The following ATE1 variants were observed in gnomAD, a reference collection of about 807,000 sequenced individuals.
The protein encoded by ATE1 is arginyl-tRNA--protein transferase 1.
In ATE1, 36 loss-of-function variants were observed where a neutral mutation model predicts 70.5. The observed-to-expected ratio is 0.51, with a 90% CI of 0.39 to 0.67. The LOEUF is 0.67. Among genes scored for constraint, ATE1 ranks in the 30% least tolerant of loss-of-function variants. The probability of loss-of-function intolerance (pLI) is 0.00; values close to 1 mark genes in which losing one functional copy is unlikely to be tolerated. For missense variants in ATE1, 593 were observed against 629.5 expected, an observed-to-expected ratio of 0.94 and a Z score of 0.62; for synonymous variants, 232 against 219.3, an observed-to-expected ratio of 1.06 and a Z score of -0.51.
rs773450449 is a variant in ATE1 at position 121,841,128 on chromosome 10, C to T, written c.1111G>A (p.Asp371Asn). Reference protein sequence around the residue: ...NCVSSVYLYYDPDYSFLSLGV... With the variant: ...NCVSSVYLYYNPDYSFLSLGV... ...AAAGACAAAAACGAATAATCAGGAT[C>T]GTAGTACAAATACACAGATGATACA... The change falls in exon 9 of 12, where the codon GAT (aspartate) becomes AAT (asparagine). Residue 371 changes from aspartate (D) to asparagine (N), a missense_variant. Asp to Asn is a conservative substitution (Grantham distance 23). Transcript: ENST00000224652. The T allele has an allele frequency of 6.3e-6, 10 of 1,584,018 alleles. No homozygotes were observed. Among genetic ancestry groups the T allele is most frequent in the East Asian group, 4.5e-5 (2 of 44,070 alleles).
intron 1 of ATE1, among the ~76,000 whole-genome samples, chr10:121,925,777 G>C (rs1200186308): frequency 6.6e-6 from 1 of 152,110 alleles, no homozygotes; most frequent in Non-Finnish European, 1.5e-5. Context: ...AGCTACTTGG[G>C]AGGCTGAGGT....
intron 11 of ATE1, among the ~76,000 whole-genome samples, chr10:121,770,008 C>T (rs1945436250): frequency 6.6e-6 from 1 of 152,122 alleles, no homozygotes; most frequent in African/African-American, 2.4e-5. Context: ...TACTGCTGGG[C>T]ATTTATCAGA....
rs1951538308 is a variant in ATE1 at position 121,913,821 on chromosome 10, A to G, written c.306T>C (p.Ala102=). 1.9e-6 allele frequency: 3 copies of G among 1,613,320 alleles called. No individual in the cohort carries two copies. Among genetic ancestry groups the G allele is most frequent in the East Asian group, 4.5e-5 (2 of 44,846 alleles). ...KVLKKMLKFL[A]KGEVPKGSCE... is the part of the protein sequence containing the mutation. ...AACTTCCTTTGGGAACCTCCCCTTTAGCTAGAAATTTCAACATTTTTTTCA... is the reference window on the plus strand; with the variant it reads ...AACTTCCTTTGGGAACCTCCCCTTTGGCTAGAAATTTCAACATTTTTTTCA... Residue 102 remains alanine, a synonymous_variant, in exon 4 of 12, where the codon GCT becomes GCC. Transcript: ENST00000224652.
chr10:121,898,358 G>T (rs73364471), intron 7 of ATE1, among the ~76,000 whole-genome samples: 4,997 of 152,270 alleles, frequency 0.033, 149 homozygotes, highest in African/African-American at 0.081. Flanking sequence ...AGATGATTCT[G>T]CTTAACTGCA....
rs183423046 is a variant in ATE1 at position 121,827,013 on chromosome 10, C to T, written c.1257+9705G>A. On this transcript the variant is annotated intron_variant, in intron 10 of 11. Transcript: ENST00000224652. ...TCACATTTTCTTTACTGTTGATGGG[C>T]AATAATTTTTTTTTTTTTTGAGATG... Among the ~76,000 whole-genome samples the T allele has an allele frequency of 3.5e-3, 461 of 130,700 alleles. 5 individuals carry two copies. The highest frequency in any genetic ancestry group is 3.1e-3 in the Non-Finnish European group (184 of 58,932). The allele number at this position is 130,700 out of a possible 152,430, so 85.7% of individuals were successfully genotyped here.
intron 11 of ATE1, among the ~76,000 whole-genome samples, chr10:121,766,468 T>C (rs1177803938): frequency 1.3e-5 from 2 of 152,134 alleles, no homozygotes; most frequent in African/African-American, 4.8e-5. Flanking sequence ...GAGAAGACGG[T>C]AATCCAACTG....
intron 11 of ATE1, among the ~76,000 whole-genome samples, chr10:121,755,268 C>T (rs1209692306): frequency 3.3e-5 from 5 of 152,068 alleles, no homozygotes; most frequent in East Asian, 3.9e-4. Flanking sequence ...GTTTTGATGG[C>T]CATGTCTAGT....
At chr10:121,856,146 A>G (rs570421372) in intron 8 of ATE1, among the ~76,000 whole-genome samples, 29 of 152,224 alleles carry the variant, frequency 1.9e-4, no homozygotes, top group African/African-American at 7.0e-4. Context: ...AGGCTAGTTT[A>G]AAATGTTTGG....
Position 121,874,890 on chromosome 10 carries a change from T to C in ATE1, c.943-4852A>G, listed in dbSNP as rs370882798. 7.4e-3 allele frequency among the ~76,000 whole-genome samples: 992 copies of C among 134,892 alleles called. 18 individuals carry two copies. Among genetic ancestry groups the C allele is most frequent in the African/African-American group, 0.026 (931 of 35,432 alleles). 88.5% of individuals were successfully genotyped at this position (134,892 alleles called of 152,430 possible). A position where few individuals can be genotyped will look rare whatever the true frequency, so the allele number is the denominator to read the frequency against. On this transcript the variant is annotated intron_variant, in intron 7 of 11. Coordinates refer to ENST00000224652, the MANE Select transcript of ATE1 (RefSeq NM_001001976.3). ...GCGTGGTGGCTCACGCCTGTAATCC[T>C]AGCACTTTGGGAGGCCAAGGCGGGT...
intron 10 of ATE1, among the ~76,000 whole-genome samples, chr10:121,827,797 T>A (rs1345311168): frequency 6.6e-6 from 1 of 152,232 alleles, no homozygotes; most frequent in African/African-American, 2.4e-5. Context: ...ATGTAATGAC[T>A]ACAGAATATA....
chr10:121,871,495 C>T (rs952439899), intron 7 of ATE1, among the ~76,000 whole-genome samples: 2 of 152,202 alleles, frequency 1.3e-5, no homozygotes, highest in Admixed American at 6.5e-5. Context: ...ACAGACTAGA[C>T]ATGACATTAA....
intron 10 of ATE1, among the ~76,000 whole-genome samples, chr10:121,798,711 C>T (rs1488220986): frequency 6.6e-6 from 1 of 151,902 alleles, no homozygotes; most frequent in African/African-American, 2.4e-5. Context: ...ATCAGCCTGA[C>T]CAACATGGTG....
At chr10:121,792,895 CAA>C (rs1170867336) in intron 10 of ATE1, among the ~76,000 whole-genome samples, 3 of 152,000 alleles carry the variant, frequency 2.0e-5, no homozygotes, top group Admixed American at 2.0e-4. Context: ...CTTTTGTAAA[CAA>C]AATGAACCAA....
rs546891041 is a variant in ATE1, at chr10:121,902,524, C to T, written c.680G>A (p.Gly227Glu). The T allele has an allele frequency of 2.3e-5, 37 of 1,614,176 alleles. No homozygotes were observed. The East Asian group carries it at 7.1e-4, about 31-fold the overall frequency. ...TTGAGCCTGGAAACCCTCAAGTTCT[C>T]CAGCTGGGTTCTGCTGCATTAGTTT... ...RLKLMQQNPA[G>E]ELEGFQAQGH... Residue 227 changes from glycine to glutamate, a missense_variant, in exon 6 of 12, where the codon GGA (glycine) becomes GAA (glutamate). Physicochemically the swap from Gly to Glu is moderately conservative, Grantham distance 98. Coordinates refer to ENST00000224652, the MANE Select transcript of ATE1 (RefSeq NM_001001976.3).
chr10:121,800,478 T>C (rs1306750795), intron 10 of ATE1, among the ~76,000 whole-genome samples: 1 of 152,238 alleles, frequency 6.6e-6, no homozygotes, highest in East Asian at 1.9e-4. Flanking sequence ...AAGATCTTTA[T>C]GAGATTTCAC....
At chr10:121,893,293 AC>A (rs67145414) in intron 7 of ATE1, among the ~76,000 whole-genome samples, 35,122 of 141,054 alleles carry the variant, frequency 0.25, 4,389 homozygotes, top group South Asian at 0.38. Flanking sequence ...AAAAAAAAAA[AC>A]AAAATTGTAA....
chr10:121,870,458 AAGGGGAGAGGAAAGACC>A (rs1048417908), intron 7 of ATE1, among the ~76,000 whole-genome samples: 3 of 151,664 alleles, frequency 2.0e-5, no homozygotes, highest in African/African-American at 4.8e-5. Flanking sequence ...AGACCAACAA[AAGGGGAGAGGAAAGACC>A]AGGGGAGAGG....
intron 7 of ATE1, among the ~76,000 whole-genome samples, chr10:121,880,791 T>G (rs1323388422): frequency 6.6e-6 from 1 of 152,140 alleles, no homozygotes; most frequent in Admixed American, 6.6e-5. Flanking sequence ...ATGACCATAG[T>G]GAAAATACAA....
chr10:121,895,676 A>G (rs535477084), intron 7 of ATE1, among the ~76,000 whole-genome samples: 4 of 152,224 alleles, frequency 2.6e-5, no homozygotes, highest in East Asian at 3.9e-4. Flanking sequence ...AGCCAGGTGC[A>G]GTGGCTCACA....
Sources: gnomAD v4.1 joint callset for allele counts (sites outside exome capture counted in the v4.1 genomes callset) on GRCh38, gnomAD v4.1.1 for gene constraint, MANE v1.5 for transcripts, NCBI Gene and HGNC (gene_info 2026-07-23, HGNC 2026-07-21) for gene names.